Variants in PBX1 observed in about 807,000 individuals in gnomAD.
PBX1 encodes PBX homeobox 1, also known as pre-B-cell leukemia transcription factor 1.
PBX1 carries 6 observed loss-of-function variants against 53.4 expected under a neutral mutation model. The ratio of observed to expected loss-of-function variants is 0.11; its 90% CI spans 0.06 to 0.22. The LOEUF is 0.22. Among genes scored for constraint, PBX1 ranks in the 10% least tolerant of loss-of-function variants. The pLI, the probability that PBX1 is intolerant of heterozygous loss-of-function variation, is 1.00. For synonymous variants in PBX1, 204 were observed against 212.3 expected (o/e 0.96, Z 0.34); for missense variants, 251 against 551.4 (o/e 0.46, Z 5.46).
chr1:164,849,560 G>C lies in PBX1; in HGVS notation c.*2884G>C. The C allele has an allele frequency of 9.0e-7, 1 of 1,113,864 alleles. No individual in the cohort carries two copies. Among genetic ancestry groups the C allele is most frequent in the Non-Finnish European group, 1.2e-6 (1 of 802,242 alleles). 69.0% of individuals were successfully genotyped at this position (1,113,864 alleles called of 1,614,324 possible). On this transcript the variant is annotated 3_prime_UTR_variant, in exon 9 of 9. Transcript: ENST00000420696. ...AGGATTTCTTCATTTTCTAATAGAT[G>C]TGGGAGTGCTCCATTTTCCCCGACA... is the stretch of plus-strand genomic sequence containing the variant.
At chr1:164,838,270 C>T (rs532635312) in intron 8 of PBX1, among the ~76,000 whole-genome samples, 4 of 152,312 alleles carry the variant, frequency 2.6e-5, no homozygotes, top group Admixed American at 2.6e-4. Context: ...CAGAACTCTG[C>T]CTTGCCAGTG....
intron 2 of PBX1, among the ~76,000 whole-genome samples, chr1:164,709,696 G>A (rs1239303460): frequency 6.6e-6 from 1 of 152,134 alleles, no homozygotes; most frequent in African/African-American, 2.4e-5. Flanking sequence ...GCGAAGGCAG[G>A]TGTTGAAAAG....
Position 164,848,282 on chromosome 1 carries a change from A to T in PBX1, c.*1606A>T. On this transcript the variant is annotated 3_prime_UTR_variant, in exon 9 of 9. Transcript: ENST00000420696. Reference sequence around the variant, plus strand: ...CACCATCTTCATAGCCAACCCTACCAGTTATAAAGATGGCAGCTCTATCAC... The same window carrying T: ...CACCATCTTCATAGCCAACCCTACCTGTTATAAAGATGGCAGCTCTATCAC... The T allele has an allele frequency of 9.5e-7, 1 of 1,056,210 alleles. No individual in the cohort carries two copies. Among genetic ancestry groups the T allele is most frequent in the Non-Finnish European group, 1.1e-6 (1 of 873,594 alleles). The allele number at this position is 1,056,210 out of a possible 1,614,324, so 65.4% of individuals were successfully genotyped here. A position where few individuals can be genotyped will look rare whatever the true frequency, so the allele number is the denominator to read the frequency against.
intron 2 of PBX1, among the ~76,000 whole-genome samples, chr1:164,875,311 T>C (rs1558055722): frequency 1.3e-5 from 2 of 152,148 alleles, no homozygotes; most frequent in Non-Finnish European, 2.9e-5. Flanking sequence ...TTATTTTATT[T>C]TATTTTTGAG....
chr1:164,599,190 C>T (rs1244366694), intron 2 of PBX1, among the ~76,000 whole-genome samples: 3 of 148,630 alleles, frequency 2.0e-5, no homozygotes, highest in Non-Finnish European at 4.4e-5. Context: ...TAACTTTGCT[C>T]CCCTCTGAGA....
At chr1:164,743,362 C>T (rs1000955925) in intron 2 of PBX1, among the ~76,000 whole-genome samples, 2 of 152,072 alleles carry the variant, frequency 1.3e-5, no homozygotes, top group African/African-American at 4.8e-5. Flanking sequence ...AAGGCATCCT[C>T]AGGACTCAAG....
intron 2 of PBX1, among the ~76,000 whole-genome samples, chr1:164,565,728 GTGTC>G (rs1456368133): frequency 6.6e-6 from 1 of 150,954 alleles, no homozygotes; most frequent in Non-Finnish European, 1.5e-5. Flanking sequence ...GAGGAACAAA[GTGTC>G]TGTAAAGTTG....
At chr1:164,754,679 A>ACGTG (rs1226679332) in intron 2 of PBX1, among the ~76,000 whole-genome samples, 3 of 152,160 alleles carry the variant, frequency 2.0e-5, no homozygotes, top group Admixed American at 6.5e-5. Flanking sequence ...ACGTGCGTGC[A>ACGTG]CGTGCGTGCG....
At chr1:164,815,295 C>T (rs963175565) in intron 6 of PBX1, 3 of 152,194 alleles carry the variant, frequency 2.0e-5, no homozygotes, top group Non-Finnish European at 2.9e-5. Flanking sequence ...ATGCCATCAG[C>T]GTTGAAATTA....
At chr1:164,689,840 C>T (rs927516017) in intron 2 of PBX1, among the ~76,000 whole-genome samples, 1 of 152,124 alleles carries the variant, frequency 6.6e-6, no homozygotes, top group African/African-American at 2.4e-5. Context: ...GCCCTGCTCC[C>T]TACACCTATC....
At chr1:164,655,476 C>A (rs554568847) in intron 2 of PBX1, among the ~76,000 whole-genome samples, 1 of 152,182 alleles carries the variant, frequency 6.6e-6, no homozygotes, top group East Asian at 1.9e-4. Context: ...TGTGGTCTGG[C>A]TTTGGGAGTA....
At chr1:164,679,992 A>C (rs908896177) in intron 2 of PBX1, 1 of 152,148 alleles carries the variant, frequency 6.6e-6, no homozygotes, top group African/African-American at 2.4e-5. Context: ...TGTTGTTGGA[A>C]ATATCAGTCA....
chr1:164,867,375 T>C (rs1672242707), intron 2 of PBX1, among the ~76,000 whole-genome samples: 1 of 152,152 alleles, frequency 6.6e-6, no homozygotes, highest in African/African-American at 2.4e-5. Flanking sequence ...GGCTATAAAA[T>C]TGGGCTACGC....
intron 2 of PBX1, among the ~76,000 whole-genome samples, chr1:164,721,428 AGTGT>A (rs112904192): frequency 1.3e-5 from 2 of 149,546 alleles, no homozygotes; most frequent in Admixed American, 1.3e-4. Context: ...GTGGCAGTGT[AGTGT>A]GTGTGTGTGT....
At chr1:164,695,170 C>T (rs1483761956) in intron 2 of PBX1, among the ~76,000 whole-genome samples, 2 of 152,198 alleles carry the variant, frequency 1.3e-5, no homozygotes, top group African/African-American at 4.8e-5. Flanking sequence ...GTCAAATTAT[C>T]ACCATATAAA....
At chr1:164,685,858 TGA>T (rs1662063444) in intron 2 of PBX1, among the ~76,000 whole-genome samples, 1 of 152,188 alleles carries the variant, frequency 6.6e-6, no homozygotes, top group Admixed American at 6.5e-5. Flanking sequence ...CTCCTGGCAG[TGA>T]GAGTTCAGGA....
At chr1:164,873,844 T>A (rs901582268) in intron 2 of PBX1, among the ~76,000 whole-genome samples, 8 of 152,148 alleles carry the variant, frequency 5.3e-5, no homozygotes, top group African/African-American at 1.7e-4. Context: ...TCAGAGCCAG[T>A]GCCCAATGAC....
downstream of PBX1, among the ~76,000 whole-genome samples, chr1:164,853,940 A>T (rs114975505): frequency 0.018 from 2,590 of 145,888 alleles, 51 homozygotes; most frequent in Non-Finnish European, 0.028. Context: ...TATTTATTTT[A>T]TTTTTTTTTT....
At chr1:164,673,502 G>A (rs999277476) in intron 2 of PBX1, among the ~76,000 whole-genome samples, 2 of 121,996 alleles carry the variant, frequency 1.6e-5, no homozygotes, top group Admixed American at 1.1e-4. Flanking sequence ...ACGGAATCTC[G>A]CACTGTTGCC....
Sources: allele counts gnomAD v4.1 joint callset (sites outside exome capture counted in the v4.1 genomes callset), GRCh38; gene constraint gnomAD v4.1.1; transcripts MANE v1.5; gene names NCBI Gene and HGNC (gene_info 2026-07-23, HGNC 2026-07-21).